STON2: variants seen among roughly 807,000 people sequenced by gnomAD.
STON2 encodes stonin-2.
Under a neutral mutation model 65.7 loss-of-function variants are expected in STON2, and 29 were observed. The ratio of observed to expected loss-of-function variants is 0.44; its 90% CI spans 0.33 to 0.60. The LOEUF is 0.60. Ranked by LOEUF, STON2 falls within the 20% of genes least tolerant of loss-of-function variation. The probability of loss-of-function intolerance (pLI) is 0.03; values close to 1 mark genes in which losing one functional copy is unlikely to be tolerated. For synonymous variants in STON2, 404 were observed against 414.2 expected, an observed-to-expected ratio of 0.98 and a Z score of 0.30; for missense variants, 1,054 against 1,118.1, an observed-to-expected ratio of 0.94 and a Z score of 0.82.
rs1304626913 is a variant in STON2, at chr14:81,280,096, CT to C, written c.743-1358del. 4.6e-5 allele frequency among the ~76,000 whole-genome samples: 7 copies of C among 152,208 alleles called. No homozygotes were observed. In the East Asian group the frequency reaches 9.6e-4, roughly 21 times the overall value. ...GAGAAAATGCTCATGATATAATCTCCTTTTTTTCTCTAAAATATTTTTCCAT... is the reference window on the plus strand; with the variant it reads ...GAGAAAATGCTCATGATATAATCTCCTTTTTTCTCTAAAATATTTTTCCAT... On this transcript the variant is annotated intron_variant, in intron 5 of 7. Coordinates refer to ENST00000614646, the MANE Select transcript of STON2 (RefSeq NM_001394390.1).
chr14:81,428,494 A>T (rs1763407278), intron 1 of STON2, among the ~76,000 whole-genome samples: 2 of 152,322 alleles, frequency 1.3e-5, no homozygotes, highest in South Asian at 4.1e-4. Context: ...AGGCTGAGGC[A>T]GGTGGGCTGC....
chr14:81,408,213 ATGAGT>A (rs1387669511), intron 2 of STON2, among the ~76,000 whole-genome samples: 1 of 152,100 alleles, frequency 6.6e-6, no homozygotes, highest in African/African-American at 2.4e-5. Flanking sequence ...AAAAGAGAAA[ATGAGT>A]TGAGTAATCC....
At chr14:81,424,838 G>C (rs1299389306) in intron 2 of STON2, among the ~76,000 whole-genome samples, 2 of 152,166 alleles carry the variant, frequency 1.3e-5, no homozygotes, top group African/African-American at 2.4e-5. Flanking sequence ...ATCACTGGAA[G>C]CTCTTTCCTA....
intron 5 of STON2, among the ~76,000 whole-genome samples, chr14:81,290,693 T>C (rs1417248051): frequency 6.6e-6 from 1 of 152,162 alleles, no homozygotes; most frequent in East Asian, 1.9e-4. Flanking sequence ...CTCATGTTCT[T>C]TATGTGGACT....
In STON2 at chr14:81,384,367, C is replaced by T. The variant is rs148135101; in HGVS notation, c.373+11527G>A. ...AGTTGAAGCAATTCTCCTTCCTCAG[C>T]CTCTCGAGTAACTGGGATTACAGGC... On this transcript the variant is annotated intron_variant, in intron 3 of 7. Transcript: ENST00000614646. Among the ~76,000 whole-genome samples, 80 of 152,222 alleles carry T rather than the reference C, an allele frequency of 5.3e-4. 2 individuals carry two copies. In the South Asian group the frequency reaches 0.012, roughly 22 times the overall value.
chr14:81,366,701 G>T (rs561320078), intron 4 of STON2, among the ~76,000 whole-genome samples: 4 of 152,156 alleles, frequency 2.6e-5, no homozygotes, highest in African/African-American at 9.6e-5. Flanking sequence ...GAAATGCAAA[G>T]CACTTCTCAG....
Position 81,306,153 on chromosome 14 carries a change from A to ATCTCTCTC in STON2, c.742+17856_742+17863dup, listed in dbSNP as rs141736505. ...CAAAGAATCCTATTGATTCTTTTAAATCTCTCTCTCTCTCTATATATATAT... is the reference window on the plus strand; with the variant it reads ...CAAAGAATCCTATTGATTCTTTTAAATCTCTCTCTCTCTCTCTCTCTCTATATATATAT... On this transcript the variant is annotated intron_variant, in intron 5 of 7. Transcript: ENST00000614646. Among the ~76,000 whole-genome samples the ATCTCTCTC allele has an allele frequency of 2.6e-3, 337 of 129,996 alleles. 2 individuals carry two copies. The highest frequency in any genetic ancestry group is 8.3e-3 in the African/African-American group (279 of 33,734). 85.3% of individuals were successfully genotyped at this position (129,996 alleles called of 152,430 possible). A position where few individuals can be genotyped will look rare whatever the true frequency, so the allele number is the denominator to read the frequency against.
intron 5 of STON2, among the ~76,000 whole-genome samples, chr14:81,307,349 T>C (rs755336018): frequency 6.6e-6 from 1 of 152,190 alleles, no homozygotes; most frequent in Non-Finnish European, 1.5e-5. Flanking sequence ...TTGAGGCTGA[T>C]TGAGTGTAAT....
chr14:81,330,546 A>G (rs1285089279), intron 4 of STON2, among the ~76,000 whole-genome samples: 1 of 152,156 alleles, frequency 6.6e-6, no homozygotes, highest in East Asian at 1.9e-4. Context: ...TGTCACACAT[A>G]TTTATTAAAA....
At chr14:81,296,118 T>C (rs1319431492) in intron 5 of STON2, among the ~76,000 whole-genome samples, 1 of 152,234 alleles carries the variant, frequency 6.6e-6, no homozygotes, top group Non-Finnish European at 1.5e-5. Context: ...AGTACAGTAG[T>C]TGTTGGCAAC....
At chr14:81,346,738 C>T (rs1359703378) in intron 4 of STON2, among the ~76,000 whole-genome samples, 2 of 152,084 alleles carry the variant, frequency 1.3e-5, no homozygotes, top group Non-Finnish European at 2.9e-5. Context: ...TTCTCAACTA[C>T]AGTGGAATGA....
intron 2 of STON2, among the ~76,000 whole-genome samples, chr14:81,417,067 A>AG (rs1268125980): frequency 6.6e-6 from 1 of 152,116 alleles, no homozygotes; most frequent in Non-Finnish European, 1.5e-5. Flanking sequence ...TAAAAATCAA[A>AG]CTTTCCTTGT....
chr14:81,270,398 T>C lies in STON2; in HGVS notation c.2784+272A>G, dbSNP rs568350691. 1.4e-4 allele frequency: 197 copies of C among 1,393,418 alleles called. 1 individual carries two copies. The East Asian group carries it at 4.9e-3, about 35-fold the overall frequency. The allele number at this position is 1,393,418 out of a possible 1,614,324, so 86.3% of individuals were successfully genotyped here. A position where few individuals can be genotyped will look rare whatever the true frequency, so the allele number is the denominator to read the frequency against. On this transcript the variant is annotated intron_variant, in intron 7 of 7. Transcript: ENST00000614646. Reference sequence around the variant, plus strand: ...CTGTGCCTGGCCCCCATTATTCTTTTTGTTGTCATTGCTCATAATGACAGA... The same window carrying C: ...CTGTGCCTGGCCCCCATTATTCTTTCTGTTGTCATTGCTCATAATGACAGA...
At chr14:81,302,562 A>G (rs537915509) in intron 5 of STON2, among the ~76,000 whole-genome samples, 1 of 152,346 alleles carries the variant, frequency 6.6e-6, no homozygotes, top group South Asian at 2.1e-4. Context: ...TAAGAGAATG[A>G]CCATGGTGTC....
At chr14:81,401,819 T>C (rs1489608243), upstream of STON2, among the ~76,000 whole-genome samples, 1 of 152,162 alleles carries the variant, frequency 6.6e-6, no homozygotes, top group African/African-American at 2.4e-5. Flanking sequence ...GTCATAGAAG[T>C]AGTTTTGTCT....
intron 6 of STON2, among the ~76,000 whole-genome samples, chr14:81,273,694 G>T (rs548986709): frequency 6.6e-6 from 1 of 152,162 alleles, no homozygotes; most frequent in African/African-American, 2.4e-5. Flanking sequence ...TGATCTCTTG[G>T]TGGCTGGGAC....
intron 1 of STON2, among the ~76,000 whole-genome samples, chr14:81,431,994 C>T (rs1028871663): frequency 6.6e-6 from 1 of 152,074 alleles, no homozygotes; most frequent in African/African-American, 2.4e-5. Context: ...ATTCATACCC[C>T]GATGGATAAT....
chr14:81,320,020 T>C (rs1896765204), intron 5 of STON2, among the ~76,000 whole-genome samples: 1 of 152,228 alleles, frequency 6.6e-6, no homozygotes, highest in African/African-American at 2.4e-5. Context: ...TATGAGTCTA[T>C]GGATCTGGAT....
At chr14:81,403,167 G>A (rs1390073582), upstream of STON2, among the ~76,000 whole-genome samples, 1 of 152,014 alleles carries the variant, frequency 6.6e-6, no homozygotes, top group Admixed American at 6.6e-5. Flanking sequence ...TGTCCTATTC[G>A]ATCACTTGTT....
Sources: gnomAD v4.1 joint callset for allele counts (sites outside exome capture counted in the v4.1 genomes callset) on GRCh38, gnomAD v4.1.1 for gene constraint, MANE v1.5 for transcripts, NCBI Gene and HGNC (gene_info 2026-07-23, HGNC 2026-07-21) for gene names.